PCDHA8: variants seen among roughly 807,000 people sequenced by gnomAD.
PCDHA8 encodes the protein protocadherin alpha 8.
PCDHA8 carries 53 observed loss-of-function variants against 61.8 expected under a neutral mutation model. That is an observed-to-expected ratio of 0.86 (90% confidence interval 0.69 to 1.08). PCDHA8 has a LOEUF of 1.08. Ranked by LOEUF, PCDHA8 falls within the 50% of genes least tolerant of loss-of-function variation. PCDHA8 has a pLI of 0.00. For synonymous variants in PCDHA8, 618 were observed against 556.6 expected (o/e 1.11, Z -1.55); for missense variants, 1,293 against 1,245.0 (o/e 1.04, Z -0.58).
Position 140,995,490 on chromosome 5 carries a change from A to C in PCDHA8, c.2542+12927A>C, listed in dbSNP as rs181247682. Among the ~76,000 whole-genome samples the C allele has an allele frequency of 2.7e-3, 416 of 152,304 alleles. 1 individual carries two copies. The highest frequency in any genetic ancestry group is 4.2e-3 in the Non-Finnish European group (283 of 68,028). ...ATTTTTCATTTAATATTTTCAGACT[A>C]AGGTTGACTGTGGGTAACTGAAGCC... is the stretch of plus-strand genomic sequence containing the variant. On this transcript the variant is annotated intron_variant, in intron 3 of 3. Transcript: ENST00000531613.
At chr5:140,886,680 G>A (rs1554182653) in intron 1 of PCDHA8, among the ~76,000 whole-genome samples, 1 of 151,946 alleles carries the variant, frequency 6.6e-6, no homozygotes, top group Non-Finnish European at 1.5e-5. Flanking sequence ...ACAAAAATTA[G>A]CGAGGCATGG....
At chr5:140,917,117 C>A (rs1318149439) in intron 1 of PCDHA8, among the ~76,000 whole-genome samples, 1 of 152,018 alleles carries the variant, frequency 6.6e-6, no homozygotes, top group Non-Finnish European at 1.5e-5. Flanking sequence ...CCTCCAAGTG[C>A]GCAGACTCCC....
At chr5:140,852,796 T>C in intron 1 of PCDHA8, 4 of 976,920 alleles carry the variant, frequency 4.1e-6, no homozygotes, top group Non-Finnish European at 4.9e-6. Context: ...ATGCTACAGA[T>C]GTCATTTGTC....
At chr5:141,001,025 TA>T (rs1300694860) in intron 3 of PCDHA8, among the ~76,000 whole-genome samples, 1 of 152,246 alleles carries the variant, frequency 6.6e-6, no homozygotes, top group African/African-American at 2.4e-5. Context: ...ACACTTATAA[TA>T]ATAGCTTTAA....
Position 140,923,348 on chromosome 5 carries a change from G to A in PCDHA8, c.2395-55601G>A, listed in dbSNP as rs376610944. Among the ~76,000 whole-genome samples the A allele has an allele frequency of 2.6e-3, 395 of 152,192 alleles. 2 individuals are homozygous for A. Among genetic ancestry groups the A allele is most frequent in the African/African-American group, 9.2e-3 (384 of 41,538 alleles). ...CAAGGACAGTTTGGGCAACATAGTG[G>A]GACCCTATCTTTATAAAATATTTTT... is the stretch of plus-strand genomic sequence containing the variant. On this transcript the variant is annotated intron_variant, in intron 1 of 3. Coordinates refer to ENST00000531613, the MANE Select transcript of PCDHA8 (RefSeq NM_018911.3).
At chr5:140,886,746 A>C (rs2061113111) in intron 1 of PCDHA8, among the ~76,000 whole-genome samples, 1 of 151,722 alleles carries the variant, frequency 6.6e-6, no homozygotes. Context: ...GAATTGCTTG[A>C]ACCCGGGAGG....
chr5:140,871,257 G>C (rs374337862), intron 1 of PCDHA8: 21 of 1,613,824 alleles, frequency 1.3e-5, no homozygotes, highest in East Asian at 2.2e-5. Context: ...TGCTGTATAC[G>C]GCGCTGTGGT....
At position 140,858,590 on chromosome 5, in the gene PCDHA8, C is replaced by T. The variant is rs781927983; in HGVS notation, c.2394+14875C>T. 16 of 1,324,580 alleles carry T rather than the reference C, an allele frequency of 1.2e-5. No homozygotes were observed. In the South Asian group the frequency reaches 2.3e-4, roughly 19 times the overall value. The allele number at this position is 1,324,580 out of a possible 1,614,324, so 82.1% of individuals were successfully genotyped here. A position where few individuals can be genotyped will look rare whatever the true frequency, so the allele number is the denominator to read the frequency against. ...TGATACCTTTGTAATATAATTTATTCCAGGAGTTTTAAAATTTTTTTATCC... is the reference window on the plus strand; with the variant it reads ...TGATACCTTTGTAATATAATTTATTTCAGGAGTTTTAAAATTTTTTTATCC... On this transcript the variant is annotated intron_variant, in intron 1 of 3. Transcript: ENST00000531613.
intron 2 of PCDHA8, among the ~76,000 whole-genome samples, chr5:140,980,478 A>G (rs1186753725): frequency 2.6e-5 from 4 of 152,172 alleles, no homozygotes; most frequent in African/African-American, 4.8e-5. Context: ...AAAAATACAA[A>G]AATTAGCTGG....
chr5:140,920,841 T>TAA (rs781921146), intron 1 of PCDHA8, among the ~76,000 whole-genome samples: 36 of 109,202 alleles, frequency 3.3e-4, no homozygotes, highest in African/African-American at 8.5e-4. Flanking sequence ...AGACCAAATC[T>TAA]AAAAAAAAAA....
At chr5:140,849,855 G>T (rs2150454163) in intron 1 of PCDHA8, 3 of 1,598,654 alleles carry the variant, frequency 1.9e-6, no homozygotes, top group Non-Finnish European at 2.6e-6. Flanking sequence ...CAACGCACCA[G>T]CGTTCGCGCA....
At chr5:140,881,559 C>A (rs1293330721) in intron 1 of PCDHA8, among the ~76,000 whole-genome samples, 1 of 152,174 alleles carries the variant, frequency 6.6e-6, no homozygotes, top group East Asian at 1.9e-4. Context: ...ATATAAATAT[C>A]TTATCTACAT....
intron 1 of PCDHA8, chr5:140,968,888 CTAA>C: frequency 6.2e-7 from 1 of 1,614,210 alleles, no homozygotes; most frequent in Non-Finnish European, 8.5e-7. Context: ...TACCCTTTAT[CTAA>C]TAATAGCATT....
Position 140,843,376 on chromosome 5 carries a change from C to A in PCDHA8, c.2055C>A (p.Gly685=), listed in dbSNP as rs1554140003. The stretch of plus-strand genomic sequence containing the variant: ...AAGCGTCATCGAGGCAGTCGGCTGG[C>A]GTTTTGGGTCCGGAAGCGGCGCTGG... ...APKASSRQSA[G]VLGPEAALVD... is the part of the protein sequence containing the mutation. The change falls in exon 1 of 4, where the codon GGC becomes GGA. Residue 685 remains glycine, a synonymous_variant. Transcript: ENST00000531613. The A allele has an allele frequency of 5.0e-6, 8 of 1,595,956 alleles. 1 individual carries two copies. Among genetic ancestry groups the A allele is most frequent in the Middle Eastern group, 3.3e-4 (2 of 6,012 alleles).
At chr5:140,845,368 C>A (rs1281318130) in intron 1 of PCDHA8, among the ~76,000 whole-genome samples, 1 of 149,482 alleles carries the variant, frequency 6.7e-6, no homozygotes, top group African/African-American at 2.4e-5. Context: ...TACAAAATAT[C>A]ATAAATAGGA....
intron 1 of PCDHA8, among the ~76,000 whole-genome samples, chr5:140,972,660 ATT>A (rs11350929): frequency 0.036 from 4,256 of 117,216 alleles, 192 homozygotes; most frequent in African/African-American, 0.13. Context: ...AAGAAACCAA[ATT>A]TTTTTTTTTT....
chr5:140,963,538 C>T (rs1450528022), intron 1 of PCDHA8, among the ~76,000 whole-genome samples: 2 of 152,188 alleles, frequency 1.3e-5, no homozygotes, highest in Non-Finnish European at 2.9e-5. Flanking sequence ...CCATTTACTT[C>T]ATGATATAAA....
chr5:140,966,712 TG>T, intron 1 of PCDHA8: 1 of 1,392,090 alleles, frequency 7.2e-7, no homozygotes, highest in South Asian at 1.6e-5. Context: ...GGGGCACGGC[TG>T]GGGAAGCTGC....
intron 1 of PCDHA8, among the ~76,000 whole-genome samples, chr5:140,948,351 A>C (rs951541212): frequency 6.6e-6 from 1 of 151,646 alleles, no homozygotes; most frequent in African/African-American, 2.4e-5. Flanking sequence ...TTCTAACCTA[A>C]TAAAATGACT....
Sources: allele counts gnomAD v4.1 joint callset (sites outside exome capture counted in the v4.1 genomes callset), GRCh38; gene constraint gnomAD v4.1.1; transcripts MANE v1.5; gene names NCBI Gene and HGNC (gene_info 2026-07-23, HGNC 2026-07-21).